The following EP400 variants were observed in gnomAD, a reference collection of about 807,000 sequenced individuals.
EP400 encodes the protein E1A-binding protein p400.
A neutral mutation model predicts 354.1 loss-of-function variants in EP400; 105 were observed. That is an observed-to-expected ratio of 0.30 (90% CI 0.25 to 0.35). The LOEUF (loss-of-function observed/expected upper bound fraction) is 0.35. Ranked by LOEUF, EP400 falls within the 10% of genes least tolerant of loss-of-function variation. The probability of loss-of-function intolerance (pLI) is 1.00; values close to 1 mark genes in which losing one functional copy is unlikely to be tolerated. For synonymous variants in EP400, 1,646 were observed against 1,716.9 expected, an observed-to-expected ratio of 0.96 and a Z score of 1.02; for missense variants, 3,280 against 4,121.0, an observed-to-expected ratio of 0.80 and a Z score of 5.59.
intron 48 of EP400, chr12:132,065,341 G>A (rs577775542): frequency 1.1e-4 from 18 of 170,750 alleles, no homozygotes; most frequent in Admixed American, 2.2e-4. Context: ...AGCATCAGGC[G>A]CAAGTGCTGT....
Position 132,045,357 on chromosome 12 carries a change from G to A in EP400, c.6823G>A (p.Val2275Ile), listed in dbSNP as rs776286438. 2 of 1,614,258 alleles carry A rather than the reference G, an allele frequency of 1.2e-6. No homozygotes were observed. Among genetic ancestry groups the A allele is most frequent in the Non-Finnish European group, 1.7e-6 (2 of 1,180,054 alleles). The change falls in exon 38 of 53, where the codon GTC becomes ATC. Residue 2275 changes from valine to isoleucine, a missense_variant. By Grantham distance (29) the Val-to-Ile change is conservative (BLOSUM62 3). This residue lies in a region of EP400 where 231 missense variants were observed against 257.9 expected (regional missense o/e 0.90). Coordinates refer to ENST00000389561, the MANE Select transcript of EP400 (RefSeq NM_015409.5). Reference protein sequence around the residue: ...RKKKQRHGEAVVPPRSLFDRA... With the variant: ...RKKKQRHGEAIVPPRSLFDRA... ...GAAGAAGCAGCGTCACGGGGAGGCGGTCGTCCCTCCTCGGTCCCTGTTTGA... is the reference window on the plus strand; with the variant it reads ...GAAGAAGCAGCGTCACGGGGAGGCGATCGTCCCTCCTCGGTCCCTGTTTGA...
At chr12:131,973,111 C>T (rs1332556301) in intron 2 of EP400, among the ~76,000 whole-genome samples, 1 of 152,170 alleles carries the variant, frequency 6.6e-6, no homozygotes, top group Non-Finnish European at 1.5e-5. Flanking sequence ...TTTCATTTAA[C>T]AAATAATTAT....
At chr12:132,045,221 G>T in intron 37 of EP400, 98 bp from the exon 38 acceptor site, 1 of 1,531,598 alleles carries the variant, frequency 6.5e-7, no homozygotes, top group Non-Finnish European at 8.8e-7. Flanking sequence ...CTTTGCCCAG[G>T]CACCTCCAGA....
chr12:131,986,876 G>C, intron 6 of EP400, 69 bp downstream of exon 6: 2 of 1,511,954 alleles, frequency 1.3e-6, no homozygotes, highest in Non-Finnish European at 1.8e-6. Flanking sequence ...TAATTGTCAA[G>C]AATGTGATGG....
At chr12:132,055,349 G>A (rs968175603) in intron 45 of EP400, 141 bp downstream of exon 45, 6 of 735,952 alleles carry the variant, frequency 8.2e-6, no homozygotes, top group Middle Eastern at 3.9e-4. Context: ...ATAAGTAGCT[G>A]ATCAGTATGT....
At chr12:132,040,338 C>T (rs1179897723) in intron 32 of EP400, among the ~76,000 whole-genome samples, 1 of 151,990 alleles carries the variant, frequency 6.6e-6, no homozygotes, top group Non-Finnish European at 1.5e-5. Context: ...ATAGAGCTCC[C>T]ACCTGATCCA....
chr12:131,952,302 C>CA (rs927214848), intron 1 of EP400, among the ~76,000 whole-genome samples: 775 of 46,244 alleles, frequency 0.017, 10 homozygotes, highest in African/African-American at 0.025. Flanking sequence ...GACTCTGTCT[C>CA]AAAAAAAAAA....
chr12:132,043,482 T>C lies in EP400; in HGVS notation c.6366+20T>C, dbSNP rs1194307513. ...GAGCAGGTTTGGGCATGTTTTCCTT[T>C]ACAACTACATATTTTAAAAATTTGA... On this transcript the variant is annotated intron_variant, in intron 33 of 52. Transcript: ENST00000389561. 6.2e-7 allele frequency: 1 copy of C among 1,604,216 alleles called. No individual in the cohort carries two copies. The highest frequency in any genetic ancestry group is 2.2e-5 in the East Asian group (1 of 44,882).
chr12:132,022,029 C>T (rs907298483), intron 23 of EP400, among the ~76,000 whole-genome samples: 6 of 152,140 alleles, frequency 3.9e-5, no homozygotes, highest in African/African-American at 1.4e-4. Context: ...ATGTGGAGGC[C>T]TTTCTGGAAA....
intron 51 of EP400, among the ~76,000 whole-genome samples, chr12:132,074,296 G>A (rs987354695): frequency 1.1e-4 from 17 of 152,116 alleles, no homozygotes; most frequent in African/African-American, 3.4e-4. Flanking sequence ...AAGAGGAGCC[G>A]GTGTCTGTCC....
At chr12:132,033,724 G>A (rs1243648273) in intron 30 of EP400, among the ~76,000 whole-genome samples, 1 of 151,944 alleles carries the variant, frequency 6.6e-6, no homozygotes, top group Non-Finnish European at 1.5e-5. Flanking sequence ...CACAGACAGG[G>A]TTTTGCTGTG....
chr12:132,029,583 G>A lies in EP400; in HGVS notation c.5382-118G>A. The A allele has an allele frequency of 3.5e-6, 4 of 1,150,614 alleles. No individual in the cohort carries two copies. Among genetic ancestry groups the A allele is most frequent in the Non-Finnish European group, 5.0e-6 (4 of 798,514 alleles). The allele number at this position is 1,150,614 out of a possible 1,614,324, so 71.3% of individuals were successfully genotyped here. A position where few individuals can be genotyped will look rare whatever the true frequency, so the allele number is the denominator to read the frequency against. ...CCACATCCCCATGTGACTGGGTTGA[G>A]CCCTGCTGTTTCCTGGGACTTGGAC... is the stretch of plus-strand genomic sequence containing the variant. On this transcript the variant is annotated intron_variant, in intron 27 of 52. Transcript: ENST00000389561. The surrounding 1 kb of genome is among the most constrained non-coding windows in gnomAD (Gnocchi z 4.7).
At chr12:132,004,780 C>G (rs567223860) in intron 12 of EP400, among the ~76,000 whole-genome samples, 35 of 152,194 alleles carry the variant, frequency 2.3e-4, no homozygotes, top group African/African-American at 8.4e-4. Flanking sequence ...ATGTCATGAC[C>G]CAAATGTGTG....
chr12:132,064,033 C>CT (rs1895802851), intron 47 of EP400, among the ~76,000 whole-genome samples: 5 of 141,450 alleles, frequency 3.5e-5, no homozygotes, highest in Admixed American at 2.1e-4. Flanking sequence ...GACCCCCCCC[C>CT]GGCCCACAGC....
At chr12:131,959,590 G>A (rs1348199179) in intron 1 of EP400, among the ~76,000 whole-genome samples, 9 of 152,182 alleles carry the variant, frequency 5.9e-5, no homozygotes, top group Non-Finnish European at 1.2e-4. Context: ...CAGCGTTTGG[G>A]TTACAGCTCC....
At chr12:131,950,328 C>T (rs534941562) in intron 1 of EP400, among the ~76,000 whole-genome samples, 2 of 152,214 alleles carry the variant, frequency 1.3e-5, no homozygotes, top group East Asian at 3.9e-4. Flanking sequence ...GGGGCGTGGC[C>T]GAGGGCAGCT....
chr12:132,037,330 G>A (rs1202767946), intron 30 of EP400, among the ~76,000 whole-genome samples: 2 of 152,214 alleles, frequency 1.3e-5, no homozygotes, highest in South Asian at 4.1e-4. Context: ...TGCCTGTTGG[G>A]CTCAGTGAAA....
At chr12:132,004,999 C>T (rs921385585) in intron 12 of EP400, 78 bp from the exon 13 acceptor site, 2 of 1,155,736 alleles carry the variant, frequency 1.7e-6, no homozygotes, top group Non-Finnish European at 2.5e-6. Context: ...CGTGGTTCTC[C>T]TGGCTGCTGC....
At chr12:131,950,274 G>A (rs1891417874) in intron 1 of EP400, among the ~76,000 whole-genome samples, 1 of 152,080 alleles carries the variant, frequency 6.6e-6, no homozygotes, top group African/African-American at 2.4e-5. Context: ...CGCAGGTCGC[G>A]CGATCCGCGC....
Sources: allele counts gnomAD v4.1 joint callset (sites outside exome capture counted in the v4.1 genomes callset), GRCh38; gene constraint gnomAD v4.1.1; regional missense constraint gnomAD v4.1.1; non-coding constraint Gnocchi (gnomAD v3.1); transcripts MANE v1.5; gene names NCBI Gene and HGNC (gene_info 2026-07-23, HGNC 2026-07-21).